Variants in TBC1D15 observed in about 807,000 individuals in gnomAD.
The protein encoded by TBC1D15 is TBC1 domain family member 15.
In TBC1D15, 39 loss-of-function variants were observed where a neutral mutation model predicts 95.4. The ratio of observed to expected loss-of-function variants is 0.41; its 90% confidence interval spans 0.32 to 0.53. TBC1D15 has a LOEUF of 0.53. TBC1D15 is among the 20% of genes least tolerant of loss of function. TBC1D15 has a pLI of 0.29. For synonymous variants in TBC1D15, 258 were observed against 261.3 expected (o/e 0.99, Z 0.12); for missense variants, 733 against 794.3 (o/e 0.92, Z 0.93).
chr12:71,872,185 T>C lies in TBC1D15; in HGVS notation c.129+17T>C, dbSNP rs777908865. ...TTAGAAAAGGTAAGTTTCTAGTAAA[T>C]GATTTTATTTAATAATAGTTTATGG... is the stretch of plus-strand genomic sequence containing the variant. On this transcript the variant is annotated intron_variant, in intron 2 of 16. Transcript: ENST00000485960. 5 of 1,412,828 alleles carry C rather than the reference T, an allele frequency of 3.5e-6. No individual in the cohort carries two copies. The highest frequency in any genetic ancestry group is 4.8e-6 in the Non-Finnish European group (5 of 1,038,018). 87.5% of individuals were successfully genotyped at this position (1,412,828 alleles called of 1,614,324 possible). A position where few individuals can be genotyped will look rare whatever the true frequency, so the allele number is the denominator to read the frequency against.
intron 9 of TBC1D15, among the ~76,000 whole-genome samples, chr12:71,897,642 A>C (rs1159255627): frequency 2.0e-5 from 3 of 152,002 alleles, no homozygotes; most frequent in Admixed American, 2.0e-4. Flanking sequence ...TTATCACATA[A>C]ACTTTGTGAT....
chr12:71,885,055 C>T (rs771143898), intron 5 of TBC1D15, 34 bp downstream of exon 5: 3 of 1,599,886 alleles, frequency 1.9e-6, no homozygotes, highest in South Asian at 2.2e-5. Flanking sequence ...TTATTGAAAC[C>T]AGATCATTGT....
intron 11 of TBC1D15, chr12:71,913,577 G>T: frequency 2.8e-6 from 1 of 361,192 alleles, no homozygotes; most frequent in Middle Eastern, 8.3e-4. Context: ...TAGTGTATCT[G>T]CACTGAGACA....
chr12:71,920,768 T>A lies in TBC1D15; in HGVS notation c.1637T>A (p.Leu546His), dbSNP rs371933973. Residue 546 changes from leucine (L) to histidine (H), a missense_variant, in exon 15 of 17, where the codon CTT (leucine) becomes CAT (histidine). Coordinates refer to ENST00000485960, the MANE Select transcript of TBC1D15 (RefSeq NM_001146213.3). ...GAACTACCATGTACAAATTTCCATC[T>A]TCTTCTCTGTTGTGCTATTCTGGAA... ...WTELPCTNFH[L>H]LLCCAILESE... The A allele has an allele frequency of 1.9e-6, 3 of 1,612,920 alleles. No homozygotes were observed. Among genetic ancestry groups the A allele is most frequent in the Non-Finnish European group, 2.5e-6 (3 of 1,179,540 alleles).
At chr12:71,894,226 C>A in intron 6 of TBC1D15, 1 of 933,202 alleles carries the variant, frequency 1.1e-6, no homozygotes, top group Non-Finnish European at 1.7e-6. Flanking sequence ...AAAATGTCAA[C>A]TAATATTTAA....
intron 3 of TBC1D15, among the ~76,000 whole-genome samples, chr12:71,874,286 A>G (rs1466129087): frequency 2.0e-5 from 3 of 152,208 alleles, no homozygotes; most frequent in African/African-American, 4.8e-5. Context: ...AATTCAAACC[A>G]TAACTGAAGT....
At chr12:71,882,150 G>T (rs10506642) in intron 4 of TBC1D15, among the ~76,000 whole-genome samples, 8,938 of 150,126 alleles carry the variant, frequency 0.06, 355 homozygotes, top group South Asian at 0.15. Context: ...TTTCTTTTTT[G>T]TGTGAGGCAC....
chr12:71,914,829 C>T (rs560575756), intron 12 of TBC1D15, among the ~76,000 whole-genome samples: 3 of 151,818 alleles, frequency 2.0e-5, no homozygotes, highest in Non-Finnish European at 2.9e-5. Context: ...GAAGTGGTAC[C>T]CTTCTCCTTT....
At chr12:71,897,768 T>A in intron 9 of TBC1D15, 79 bp from the exon 10 acceptor site, 2 of 1,047,872 alleles carry the variant, frequency 1.9e-6, no homozygotes, top group South Asian at 2.7e-5. Context: ...GATATACTGT[T>A]TATAGAAAAA....
Position 71,923,596 on chromosome 12 carries a change from T to A in TBC1D15, c.*392T>A, listed in dbSNP as rs996390654. The A allele has an allele frequency of 6.0e-6, 1 of 165,356 alleles. No homozygotes were observed. The highest frequency in any genetic ancestry group is 2.4e-5 in the African/African-American group (1 of 41,666). The allele number at this position is 165,356 out of a possible 1,614,324, so 10.2% of individuals were successfully genotyped here. ...GGAGGCTTTCTATAGCATTCTAAGCTGAGAAGTAGATTGTTACCCAGTAAT... is the reference window on the plus strand; with the variant it reads ...GGAGGCTTTCTATAGCATTCTAAGCAGAGAAGTAGATTGTTACCCAGTAAT... On this transcript the variant is annotated 3_prime_UTR_variant, in exon 17 of 17. Coordinates refer to ENST00000485960, the MANE Select transcript of TBC1D15 (RefSeq NM_001146213.3).
intron 1 of TBC1D15, among the ~76,000 whole-genome samples, chr12:71,856,514 A>G (rs114893664): frequency 2.6e-5 from 4 of 152,048 alleles, no homozygotes; most frequent in African/African-American, 7.2e-5. Context: ...TTAGCCTTCA[A>G]TTTGCCAGAT....
At chr12:71,915,646 A>G (rs568022616) in intron 12 of TBC1D15, among the ~76,000 whole-genome samples, 1 of 152,192 alleles carries the variant, frequency 6.6e-6, no homozygotes, top group South Asian at 2.1e-4. Context: ...TAAACACTTT[A>G]CAGTCCGTCA....
chr12:71,848,883 ACTTTT>A (rs1887014395), intron 1 of TBC1D15, among the ~76,000 whole-genome samples: 1 of 152,132 alleles, frequency 6.6e-6, no homozygotes, highest in Admixed American at 6.5e-5. Flanking sequence ...CTGAAATTAT[ACTTTT>A]CTTGTTATGT....
chr12:71,919,821 T>A (rs184707152), intron 14 of TBC1D15, among the ~76,000 whole-genome samples: 1 of 152,242 alleles, frequency 6.6e-6, no homozygotes, highest in Admixed American at 6.5e-5. Flanking sequence ...AAAAATTGCA[T>A]CCTCAGGCAT....
chr12:71,888,647 A>C (rs1372261356), intron 5 of TBC1D15, among the ~76,000 whole-genome samples: 1 of 152,148 alleles, frequency 6.6e-6, no homozygotes, highest in African/African-American at 2.4e-5. Context: ...GAATGAGAGC[A>C]GAATGAAAGC....
intron 10 of TBC1D15, among the ~76,000 whole-genome samples, chr12:71,905,925 T>G (rs1900586446): frequency 1.3e-5 from 2 of 152,208 alleles, no homozygotes; most frequent in South Asian, 4.2e-4. Flanking sequence ...CATGCTAGAG[T>G]GCAGTGGTGG....
chr12:71,840,814 G>A (rs1264680675), intron 1 of TBC1D15, among the ~76,000 whole-genome samples: 1 of 152,204 alleles, frequency 6.6e-6, no homozygotes, highest in Non-Finnish European at 1.5e-5. Context: ...AGACTAGGCG[G>A]CTGAATGACA....
intron 4 of TBC1D15, among the ~76,000 whole-genome samples, chr12:71,882,225 A>G (rs1895338802): frequency 6.6e-6 from 1 of 152,098 alleles, no homozygotes; most frequent in African/African-American, 2.4e-5. Context: ...ATTTCTTAAG[A>G]GCATTTTGCT....
intron 10 of TBC1D15, 60 bp downstream of exon 10, chr12:71,898,001 G>A: frequency 7.9e-7 from 1 of 1,269,016 alleles, no homozygotes; most frequent in Non-Finnish European, 1.1e-6. Flanking sequence ...ATCTTGATAA[G>A]AGTAAAGAAG....
Sources: gnomAD v4.1 joint callset for allele counts (sites outside exome capture counted in the v4.1 genomes callset) on GRCh38, gnomAD v4.1.1 for gene constraint, MANE v1.5 for transcripts, NCBI Gene and HGNC (gene_info 2026-07-23, HGNC 2026-07-21) for gene names.